Variants in EDIL3 observed in about 807,000 individuals in gnomAD.
EDIL3 encodes the protein EGF like and discoidin domains 3, also known as EGF-like repeat and discoidin I-like domain-containing protein 3.
Under a neutral mutation model 67.4 loss-of-function variants are expected in EDIL3, and 37 were observed. That is an observed-to-expected ratio of 0.55 (90% CI 0.42 to 0.72). EDIL3 has a LOEUF of 0.72. Among genes scored for constraint, EDIL3 ranks in the 30% least tolerant of loss-of-function variants. The pLI, the probability that EDIL3 is intolerant of heterozygous loss-of-function variation, is 0.00. For missense variants in EDIL3, 527 were observed against 586.3 expected (o/e 0.90, Z 1.04); for synonymous variants, 195 against 196.3 (o/e 0.99, Z 0.05).
Position 84,180,417 on chromosome 5 carries a change from A to G in EDIL3, c.331T>C (p.Phe111Leu), listed in dbSNP as rs1748994545. 1 of 1,601,438 alleles carries G rather than the reference A, an allele frequency of 6.2e-7. No homozygotes were observed. The highest frequency in any genetic ancestry group is 1.7e-5 in the Admixed American group (1 of 57,672). ...CTGTGCTGACAGTGAATCCCATTAA[A>G]TCCTCGGGGACATTTACAAACATAG... ...IGYVCKCPRG[F>L]NGIHCQHNIN... is the part of the protein sequence containing the mutation. Residue 111 changes from phenylalanine to leucine, a missense_variant, in exon 4 of 11, where the codon TTT becomes CTT. Around this residue, in one of 2 missense-constraint regions of EDIL3, gnomAD observed 494 missense variants for 522.5 expected, o/e 0.95. Transcript: ENST00000296591.
chr5:84,334,621 AAAC>A (rs1034925935), intron 1 of EDIL3, among the ~76,000 whole-genome samples: 34 of 152,270 alleles, frequency 2.2e-4, no homozygotes, highest in African/African-American at 7.7e-4. Flanking sequence ...TGCTAGGCAA[AAAC>A]AATAAAAACA....
At chr5:84,352,982 T>A (rs796835359) in intron 1 of EDIL3, among the ~76,000 whole-genome samples, 35 of 152,238 alleles carry the variant, frequency 2.3e-4, no homozygotes, top group African/African-American at 7.7e-4. Context: ...GGTTTTTGTA[T>A]CAGGCAGACA....
At chr5:84,071,781 A>C (rs1746744242) in intron 6 of EDIL3, among the ~76,000 whole-genome samples, 1 of 152,210 alleles carries the variant, frequency 6.6e-6, no homozygotes, top group Non-Finnish European at 1.5e-5. Context: ...AAGTTTGCTT[A>C]ATAGAAGATC....
rs187983497 is a variant in EDIL3, at chr5:84,250,711, T to C, written c.196+3373A>G. 1.7e-3 allele frequency among the ~76,000 whole-genome samples: 255 copies of C among 152,328 alleles called. 1 individual carries two copies. The highest frequency in any genetic ancestry group is 5.9e-3 in the African/African-American group (247 of 41,578). The stretch of plus-strand genomic sequence containing the variant: ...AATGAAAAGAGTATGTGTCTGACTG[T>C]AGAATAAACAGGATAAACATAATTT... On this transcript the variant is annotated intron_variant, in intron 2 of 10. Coordinates refer to ENST00000296591, the MANE Select transcript of EDIL3 (RefSeq NM_005711.5).
chr5:84,032,787 A>G (rs548133285), intron 9 of EDIL3, among the ~76,000 whole-genome samples: 1 of 152,348 alleles, frequency 6.6e-6, no homozygotes, highest in African/African-American at 2.4e-5. Flanking sequence ...ATTATACATG[A>G]TATCATTTGC....
intron 9 of EDIL3, among the ~76,000 whole-genome samples, chr5:84,008,137 T>C (rs1264899622): frequency 6.6e-6 from 1 of 151,898 alleles, no homozygotes; most frequent in Non-Finnish European, 1.5e-5. Context: ...CTGGAAAGGG[T>C]AGTAGGGGTT....
intron 6 of EDIL3, among the ~76,000 whole-genome samples, chr5:84,083,973 T>C (rs1274093307): frequency 3.3e-5 from 5 of 152,046 alleles, no homozygotes; most frequent in Admixed American, 6.6e-5. Context: ...ATGGTACAAG[T>C]AGGGGAAGAA....
At chr5:84,111,316 C>T (rs1747560955) in intron 5 of EDIL3, among the ~76,000 whole-genome samples, 2 of 152,064 alleles carry the variant, frequency 1.3e-5, no homozygotes, top group South Asian at 2.1e-4. Context: ...AATTAAATAC[C>T]TACAGTTTAT....
intron 3 of EDIL3, among the ~76,000 whole-genome samples, chr5:84,192,003 C>A (rs1294916071): frequency 6.6e-6 from 1 of 151,954 alleles, no homozygotes; most frequent in African/African-American, 2.4e-5. Context: ...TAACTTCAAG[C>A]TTTTCGAAAT....
chr5:84,043,176 T>G (rs770032565), intron 9 of EDIL3, among the ~76,000 whole-genome samples: 3 of 152,250 alleles, frequency 2.0e-5, no homozygotes, highest in Non-Finnish European at 4.4e-5. Flanking sequence ...TGTACTGTTG[T>G]AAACTTCTTT....
chr5:84,249,959 A>G (rs1285332704), intron 2 of EDIL3, among the ~76,000 whole-genome samples: 1 of 152,120 alleles, frequency 6.6e-6, no homozygotes, highest in Non-Finnish European at 1.5e-5. Context: ...ATAGAGAGAG[A>G]GATAATAGAA....
intron 1 of EDIL3, among the ~76,000 whole-genome samples, chr5:84,379,192 T>C (rs1363393733): frequency 6.6e-6 from 1 of 152,142 alleles, no homozygotes; most frequent in African/African-American, 2.4e-5. Flanking sequence ...TGTAACATAG[T>C]TTTGAGGGCT....
At chr5:84,317,514 GA>G in intron 1 of EDIL3, among the ~76,000 whole-genome samples, 1 of 152,180 alleles carries the variant, frequency 6.6e-6, no homozygotes, top group South Asian at 2.1e-4. Flanking sequence ...TAAATTCCTC[GA>G]CACATACACC....
chr5:84,381,208 G>A (rs1411981175), intron 1 of EDIL3, among the ~76,000 whole-genome samples: 2 of 151,926 alleles, frequency 1.3e-5, no homozygotes, highest in Non-Finnish European at 2.9e-5. Context: ...AAACATTTCA[G>A]GAAAAATCAG....
chr5:84,094,708 T>C (rs1334266286), intron 6 of EDIL3, among the ~76,000 whole-genome samples: 1 of 152,210 alleles, frequency 6.6e-6, no homozygotes, highest in African/African-American at 2.4e-5. Flanking sequence ...AAAAAATCCA[T>C]GTGTGAAATT....
At chr5:84,356,366 CT>C (rs2112195689) in intron 1 of EDIL3, among the ~76,000 whole-genome samples, 1 of 152,326 alleles carries the variant, frequency 6.6e-6, no homozygotes, top group East Asian at 1.9e-4. Flanking sequence ...GGGGAACATG[CT>C]TTTCCATCAG....
intron 3 of EDIL3, among the ~76,000 whole-genome samples, chr5:84,184,911 C>T (rs1487268052): frequency 6.6e-6 from 1 of 152,142 alleles, no homozygotes; most frequent in Non-Finnish European, 1.5e-5. Context: ...GAGGTTATGG[C>T]TGCTGTTATT....
At chr5:84,274,294 G>A (rs527405879) in intron 1 of EDIL3, among the ~76,000 whole-genome samples, 1 of 152,056 alleles carries the variant, frequency 6.6e-6, no homozygotes, top group South Asian at 2.1e-4. Flanking sequence ...TAAAGACAGG[G>A]TCCCACTGTG....
intron 5 of EDIL3, among the ~76,000 whole-genome samples, chr5:84,121,071 A>C (rs931919946): frequency 6.6e-6 from 1 of 151,900 alleles, no homozygotes; most frequent in Non-Finnish European, 1.5e-5. Flanking sequence ...TATTGTCTAC[A>C]GTATACGTTA....
Sources: gnomAD v4.1 joint callset for allele counts (sites outside exome capture counted in the v4.1 genomes callset) on GRCh38, gnomAD v4.1.1 for gene constraint, gnomAD v4.1.1 regional missense constraint, MANE v1.5 for transcripts, NCBI Gene and HGNC (gene_info 2026-07-23, HGNC 2026-07-21) for gene names.